The following MEI4 variants were observed in gnomAD, a reference collection of about 807,000 sequenced individuals.
The protein encoded by MEI4 is meiosis-specific protein MEI4.
MEI4 carries 27 observed loss-of-function variants against 31.4 expected under a neutral mutation model. The observed-to-expected ratio is 0.86, with a 90% CI of 0.63 to 1.19. MEI4 has a LOEUF of 1.19. Among genes scored for constraint, MEI4 ranks in the 50% most tolerant of loss-of-function variants. The probability of loss-of-function intolerance (pLI) is 0.00; values close to 1 mark genes in which losing one functional copy is unlikely to be tolerated. For synonymous variants in MEI4, 122 were observed against 145.4 expected, an observed-to-expected ratio of 0.84 and a Z score of 1.16; for missense variants, 329 against 398.9, an observed-to-expected ratio of 0.82 and a Z score of 1.49.
At position 77,914,406 on chromosome 6, in the gene MEI4, G is replaced by T. The variant is rs772233680; in HGVS notation, c.901-8683G>T. On this transcript the variant is annotated intron_variant, in intron 4 of 4. Transcript: ENST00000684080. ...TGAATGTATTTGTACAGTTTCTAAA[G>T]TTCTTCTTTTTACTGATTTTATATT... Among the ~76,000 whole-genome samples, 8 of 152,102 alleles carry T rather than the reference G, an allele frequency of 5.3e-5. No individual in the cohort carries two copies. The South Asian group carries it at 1.5e-3, about 28-fold the overall frequency.
intron 2 of MEI4, among the ~76,000 whole-genome samples, chr6:77,737,177 G>A (rs1767269223): frequency 6.6e-6 from 1 of 152,196 alleles, no homozygotes; most frequent in African/African-American, 2.4e-5. Flanking sequence ...TTTATTGAGT[G>A]TATGCTGTGC....
At chr6:77,864,452 T>G (rs1770961186) in intron 4 of MEI4, among the ~76,000 whole-genome samples, 1 of 151,994 alleles carries the variant, frequency 6.6e-6, no homozygotes. Flanking sequence ...TAAAACAGAC[T>G]TTAAACCAAC....
In MEI4 at chr6:77,731,023, ATTG is replaced by A. The variant is rs940203253; in HGVS notation, c.233-30100_233-30098del. On this transcript the variant is annotated intron_variant, in intron 2 of 4. Coordinates refer to ENST00000684080, the MANE Select transcript of MEI4 (RefSeq NM_001322247.2). ...GTGCCACATTTTCTTAATCCAGTCT[ATTG>A]TTGTTGGACATTTGGGTTGGTTCCA... Among the ~76,000 whole-genome samples the A allele has an allele frequency of 2.5e-3, 386 of 151,796 alleles. 2 individuals are homozygous for A. The highest frequency in any genetic ancestry group is 4.0e-3 in the Non-Finnish European group (272 of 67,998).
chr6:77,849,749 C>T (rs929772932), intron 4 of MEI4, among the ~76,000 whole-genome samples: 1 of 152,082 alleles, frequency 6.6e-6, no homozygotes, highest in Non-Finnish European at 1.5e-5. Context: ...GCCAAAGTAG[C>T]AACTTAGTGT....
chr6:77,816,364 C>T (rs1301326977), intron 3 of MEI4, among the ~76,000 whole-genome samples: 2 of 152,054 alleles, frequency 1.3e-5, no homozygotes, highest in African/African-American at 4.8e-5. Context: ...CGATAGTACA[C>T]GGGCATAGTT....
intron 4 of MEI4, among the ~76,000 whole-genome samples, chr6:77,897,172 A>G (rs984617099): frequency 6.6e-6 from 1 of 152,062 alleles, no homozygotes; most frequent in Non-Finnish European, 1.5e-5. Context: ...AATATACGTT[A>G]ATTTGATAGC....
At chr6:77,888,899 G>T (rs1053380268) in intron 4 of MEI4, among the ~76,000 whole-genome samples, 4 of 152,108 alleles carry the variant, frequency 2.6e-5, no homozygotes, top group Non-Finnish European at 5.9e-5. Context: ...CATGAGATCT[G>T]ATGGCGTTAT....
intron 4 of MEI4, among the ~76,000 whole-genome samples, chr6:77,856,467 C>T (rs1046708215): frequency 6.6e-6 from 1 of 152,126 alleles, no homozygotes; most frequent in Non-Finnish European, 1.5e-5. Flanking sequence ...TCAGGAAGGA[C>T]AGGCTTCATG....
intron 1 of MEI4, among the ~76,000 whole-genome samples, chr6:77,664,787 G>A (rs569813904): frequency 5.3e-5 from 8 of 152,200 alleles, no homozygotes; most frequent in South Asian, 2.1e-4. Flanking sequence ...ACCTCAGACC[G>A]TTTGCCTTTT....
chr6:77,778,731 A>AAATC (rs1279798573), intron 3 of MEI4, among the ~76,000 whole-genome samples: 6 of 151,532 alleles, frequency 4.0e-5, no homozygotes, highest in African/African-American at 1.2e-4. Context: ...ATAAATAAAT[A>AAATC]AATAAATAAA....
intron 1 of MEI4, among the ~76,000 whole-genome samples, chr6:77,678,457 A>G (rs117176624): frequency 0.015 from 2,239 of 152,284 alleles, 27 homozygotes; most frequent in Non-Finnish European, 0.025. Flanking sequence ...CTGCATAACA[A>G]TGTTTCAGTC....
Position 77,680,242 on chromosome 6 carries a change from G to A in MEI4, c.-14-10416G>A, listed in dbSNP as rs139645364. The stretch of plus-strand genomic sequence containing the variant: ...TGCAGTGAGCCGAGATCGCACCACC[G>A]CACTCTAGCCTGGGCGAGTGAGACT... On this transcript the variant is annotated intron_variant, in intron 1 of 4. Transcript: ENST00000684080. Among the ~76,000 whole-genome samples the A allele has an allele frequency of 3.5e-3, 529 of 151,130 alleles. 2 individuals are homozygous for A. Among genetic ancestry groups the A allele is most frequent in the African/African-American group, 0.012 (508 of 41,234 alleles).
At chr6:77,736,344 G>A (rs577688085) in intron 2 of MEI4, among the ~76,000 whole-genome samples, 12 of 152,084 alleles carry the variant, frequency 7.9e-5, no homozygotes, top group Non-Finnish European at 1.3e-4. Context: ...CTGGTGCGCC[G>A]TTTTTAAGCC....
intron 4 of MEI4, among the ~76,000 whole-genome samples, chr6:77,839,039 C>G (rs1285120683): frequency 6.6e-6 from 1 of 152,010 alleles, no homozygotes; most frequent in Admixed American, 6.6e-5. Flanking sequence ...AATGTCCAAG[C>G]TTTGATTTAA....
chr6:77,788,612 GACAA>G (rs1209622801), intron 3 of MEI4, among the ~76,000 whole-genome samples: 3 of 149,290 alleles, frequency 2.0e-5, no homozygotes, highest in African/African-American at 5.1e-5. Flanking sequence ...ACCAAGAACA[GACAA>G]ACAGAGAGCC....
At chr6:77,887,586 C>T (rs772116652) in intron 4 of MEI4, among the ~76,000 whole-genome samples, 30 of 152,120 alleles carry the variant, frequency 2.0e-4, no homozygotes, top group South Asian at 4.1e-4. Flanking sequence ...CGACAGCCAC[C>T]GCACCCGGCC....
At chr6:77,691,450 C>G (rs1182656055) in intron 2 of MEI4, among the ~76,000 whole-genome samples, 1 of 152,200 alleles carries the variant, frequency 6.6e-6, no homozygotes, top group East Asian at 1.9e-4. Flanking sequence ...CTTCTTACCT[C>G]TGGCCCTCAA....
rs1278603858 is a variant in MEI4 at position 77,820,106 on chromosome 6, G to A, written c.769-8825G>A. On this transcript the variant is annotated intron_variant, in intron 3 of 4. Transcript: ENST00000684080. The surrounding 1 kb of genome is among the most constrained non-coding windows in gnomAD (Gnocchi z 4.5). ...GTGTACTTGGCAGTGTCAGTATCAG[G>A]ATATGAGTTGTTTTGATAGAAACGA... Among the ~76,000 whole-genome samples the A allele has an allele frequency of 1.3e-5, 2 of 151,902 alleles. No individual in the cohort carries two copies. Among genetic ancestry groups the A allele is most frequent in the Non-Finnish European group, 2.9e-5 (2 of 67,998 alleles).
chr6:77,844,429 A>G (rs1336271023), intron 4 of MEI4, among the ~76,000 whole-genome samples: 1 of 152,184 alleles, frequency 6.6e-6, no homozygotes, highest in Non-Finnish European at 1.5e-5. Flanking sequence ...GCCTTCCATC[A>G]ATATATGAAT....
Sources: gnomAD v4.1 joint callset for allele counts (sites outside exome capture counted in the v4.1 genomes callset) on GRCh38, gnomAD v4.1.1 for gene constraint, Gnocchi (gnomAD v3.1) non-coding constraint, MANE v1.5 for transcripts, NCBI Gene and HGNC (gene_info 2026-07-23, HGNC 2026-07-21) for gene names.